Variants in EDN1 observed in about 807,000 individuals in gnomAD.
EDN1 encodes the protein endothelin-1.
Under a neutral mutation model 21.7 loss-of-function variants are expected in EDN1, and 11 were observed. The observed-to-expected ratio is 0.51, with a 90% CI of 0.32 to 0.84. The LOEUF (loss-of-function observed/expected upper bound fraction) is 0.84. Ranked by LOEUF, EDN1 falls within the 40% of genes least tolerant of loss-of-function variation. The pLI is 0.03. For missense variants in EDN1, 244 were observed against 262.3 expected, an observed-to-expected ratio of 0.93 and a Z score of 0.48; for synonymous variants, 85 against 90.6, an observed-to-expected ratio of 0.94 and a Z score of 0.35.
the EDN1 span, among the ~76,000 whole-genome samples, chr6:12,255,357 A>G: frequency 6.6e-6 from 1 of 152,244 alleles, no homozygotes; most frequent in Non-Finnish European, 1.5e-5. Context: ...GAAAAAAATT[A>G]TAAAGCTCAT....
the EDN1 span, among the ~76,000 whole-genome samples, chr6:12,259,413 T>G: frequency 6.6e-6 from 1 of 150,592 alleles, no homozygotes; most frequent in East Asian, 1.9e-4. Context: ...ATTTAAATAA[T>G]TAGAAAGATT....
the EDN1 span, among the ~76,000 whole-genome samples, chr6:12,252,880 C>T: frequency 6.6e-6 from 1 of 151,708 alleles, no homozygotes; most frequent in African/African-American, 2.4e-5. Flanking sequence ...TAAAAATATC[C>T]AACCTGTATT....
chr6:12,270,971 A>G, the EDN1 span, among the ~76,000 whole-genome samples: 2 of 152,156 alleles, frequency 1.3e-5, no homozygotes, highest in African/African-American at 2.4e-5. Flanking sequence ...AGTTTCACAT[A>G]TATTTACAAT....
the EDN1 span, among the ~76,000 whole-genome samples, chr6:12,270,177 T>C: frequency 6.6e-6 from 1 of 152,112 alleles, no homozygotes; most frequent in African/African-American, 2.4e-5. Context: ...TATCTTTATT[T>C]CATAGTTAGT....
chr6:12,271,782 T>G, the EDN1 span, among the ~76,000 whole-genome samples: 2 of 152,256 alleles, frequency 1.3e-5, no homozygotes, highest in African/African-American at 2.4e-5. Context: ...CCTCAGCTTT[T>G]GCTTGTCTGA....
At chr6:12,258,447 C>A in the EDN1 span, among the ~76,000 whole-genome samples, 1 of 19,190 alleles carries the variant, frequency 5.2e-5, no homozygotes. Context: ...GAGATCATGT[C>A]TCAAAAAAAA....
upstream of EDN1, among the ~76,000 whole-genome samples, chr6:12,285,717 T>G (rs1762551358): frequency 6.6e-6 from 1 of 152,132 alleles, no homozygotes; most frequent in Admixed American, 6.5e-5. Flanking sequence ...ATTACAGGCA[T>G]GCGCCACCAT....
chr6:12,277,116 G>A, the EDN1 span, among the ~76,000 whole-genome samples: 3 of 152,102 alleles, frequency 2.0e-5, no homozygotes, highest in Admixed American at 2.0e-4. Context: ...GAAATTAACT[G>A]ACTTAAGTTA....
chr6:12,242,968 G>A, the EDN1 span, among the ~76,000 whole-genome samples: 1 of 152,114 alleles, frequency 6.6e-6, no homozygotes, highest in Non-Finnish European at 1.5e-5. Context: ...TATAATTACA[G>A]TTGACTCTTA....
At chr6:12,286,235 A>T (rs1762557705), upstream of EDN1, among the ~76,000 whole-genome samples, 1 of 152,234 alleles carries the variant, frequency 6.6e-6, no homozygotes, top group African/African-American at 2.4e-5. Flanking sequence ...CCTATGGATG[A>T]GTGTCCAAGA....
the EDN1 span, among the ~76,000 whole-genome samples, chr6:12,236,423 A>AT: frequency 2.8e-4 from 42 of 151,488 alleles, no homozygotes; most frequent in East Asian, 1.2e-3. Flanking sequence ...ACACTAGGCT[A>AT]TTTTTTTTGT....
chr6:12,278,913 A>G, the EDN1 span, among the ~76,000 whole-genome samples: 1 of 152,062 alleles, frequency 6.6e-6, no homozygotes, highest in Admixed American at 6.5e-5. Context: ...AAAACAAACA[A>G]ACAAAAAAAG....
chr6:12,294,137 C>T (rs1351452979), intron 3 of EDN1, 41 bp downstream of exon 3: 7 of 1,614,034 alleles, frequency 4.3e-6, no homozygotes, highest in Non-Finnish European at 5.1e-6. Flanking sequence ...GTTTAACAGC[C>T]TCCTGAACTC....
rs200759992 is a variant in EDN1 at position 12,292,412 on chromosome 6, C to G, written c.136C>G (p.Arg46Gly). The change falls in exon 2 of 5, where the codon CGG becomes GGG. Residue 46 changes from arginine (R) to glycine (G), a missense_variant. By Grantham distance (125) the Arg-to-Gly change is moderately radical (BLOSUM62 -2). Transcript: ENST00000379375. ...GEKPTPSPPWRLRRSKRCSCS... is the reference protein window; with the variant it reads ...GEKPTPSPPWGLRRSKRCSCS... ...GAAACCCACTCCCAGTCCACCCTGGCGGCTCCGCCGGTCCAAGCGCTGCTC... is the reference window on the plus strand; with the variant it reads ...GAAACCCACTCCCAGTCCACCCTGGGGGCTCCGCCGGTCCAAGCGCTGCTC... 6.2e-7 allele frequency: 1 copy of G among 1,613,990 alleles called. No individual in the cohort carries two copies. The highest frequency in any genetic ancestry group is 1.7e-5 in the Admixed American group (1 of 60,016).
chr6:12,272,452 C>CTTTTTTTTTTTTTT, the EDN1 span, among the ~76,000 whole-genome samples: 7 of 106,816 alleles, frequency 6.6e-5, no homozygotes, highest in African/African-American at 2.6e-4. Context: ...GAGTCATACT[C>CTTTTTTTTTTTTTT]TTTTTTTTTT....
At chr6:12,268,908 A>T in the EDN1 span, among the ~76,000 whole-genome samples, 34 of 152,220 alleles carry the variant, frequency 2.2e-4, 1 homozygote. Flanking sequence ...TTGAATCTAT[A>T]GATGACTTTG....
At chr6:12,291,640 A>G (rs1222429139) in intron 1 of EDN1, among the ~76,000 whole-genome samples, 2 of 152,052 alleles carry the variant, frequency 1.3e-5, no homozygotes, top group Non-Finnish European at 2.9e-5. Context: ...GATCCCACAC[A>G]AGCCTGATGC....
At chr6:12,242,024 C>A in the EDN1 span, among the ~76,000 whole-genome samples, 1 of 152,144 alleles carries the variant, frequency 6.6e-6, no homozygotes, top group South Asian at 2.1e-4. Context: ...TGCATTAATG[C>A]AATTTATCTG....
chr6:12,240,071 T>G, the EDN1 span, among the ~76,000 whole-genome samples: 1 of 152,216 alleles, frequency 6.6e-6, no homozygotes, highest in Non-Finnish European at 1.5e-5. Flanking sequence ...TTCTGATTGC[T>G]TATAGGCAGA....
Sources: allele counts gnomAD v4.1 joint callset (sites outside exome capture counted in the v4.1 genomes callset), GRCh38; gene constraint gnomAD v4.1.1; transcripts MANE v1.5; gene names NCBI Gene and HGNC (gene_info 2026-07-23, HGNC 2026-07-21).